Variants in DNAJC13 observed in about 807,000 individuals in gnomAD.
The protein encoded by DNAJC13 is DnaJ heat shock protein family (Hsp40) member C13.
A neutral mutation model predicts 290.5 loss-of-function variants in DNAJC13; 75 were observed. The observed-to-expected ratio is 0.26, with a 90% CI of 0.21 to 0.31. The LOEUF (loss-of-function observed/expected upper bound fraction) is 0.31, where lower values mean the gene tolerates loss of function less well. Among genes scored for constraint, DNAJC13 ranks in the 10% least tolerant of loss-of-function variants. The pLI, the probability that DNAJC13 is intolerant of heterozygous loss-of-function variation, is 1.00. For synonymous variants in DNAJC13, 862 were observed against 892.0 expected (o/e 0.97, Z 0.60); for missense variants, 2,260 against 2,674.5 (o/e 0.85, Z 3.42).
At chr3:132,462,857 G>A (rs1049621867) in intron 16 of DNAJC13, among the ~76,000 whole-genome samples, 3 of 152,138 alleles carry the variant, frequency 2.0e-5, no homozygotes, top group Non-Finnish European at 4.4e-5. Flanking sequence ...TACTGAGCTT[G>A]TATAGAAATC....
intron 3 of DNAJC13, among the ~76,000 whole-genome samples, chr3:132,447,038 A>C (rs1202962835): frequency 2.0e-5 from 3 of 152,124 alleles, no homozygotes; most frequent in Non-Finnish European, 4.4e-5. Context: ...CTTTTTAACA[A>C]ATTTTTAAGT....
chr3:132,489,482 G>A (rs1406526617), intron 31 of DNAJC13, among the ~76,000 whole-genome samples: 3 of 146,926 alleles, frequency 2.0e-5, no homozygotes, highest in Admixed American at 6.9e-5. Context: ...GGGTTAAGCT[G>A]GGAATTAAAA....
At chr3:132,433,926 G>T (rs1053258176) in intron 1 of DNAJC13, among the ~76,000 whole-genome samples, 1 of 152,060 alleles carries the variant, frequency 6.6e-6, no homozygotes, top group African/African-American at 2.4e-5. Flanking sequence ...AAAACCTTAT[G>T]GTCTTGACCG....
chr3:132,467,344 G>A (rs926797724), intron 20 of DNAJC13, 31 bp downstream of exon 20: 2 of 1,609,788 alleles, frequency 1.2e-6, no homozygotes, highest in African/African-American at 2.7e-5. Context: ...CAAATTCCTG[G>A]CACTTCTGTG....
chr3:132,496,419 C>A, intron 35 of DNAJC13, 109 bp from the exon 36 acceptor site: 1 of 1,068,352 alleles, frequency 9.4e-7, no homozygotes. Context: ...TTAATATAAA[C>A]AATAAAATAA....
intron 21 of DNAJC13, 103 bp from the exon 22 acceptor site, chr3:132,474,822 CCCCCTTT>C: frequency 6.5e-6 from 1 of 154,082 alleles, no homozygotes; most frequent in Non-Finnish European, 1.4e-5. Context: ...ATTCCCCCCC[CCCCCTTT>C]TTTTTTTTTT....
intron 39 of DNAJC13, among the ~76,000 whole-genome samples, chr3:132,501,715 G>T (rs1398702276): frequency 6.6e-6 from 1 of 152,180 alleles, no homozygotes; most frequent in East Asian, 1.9e-4. Context: ...ACTGTGGGTA[G>T]ATGAGATAGA....
chr3:132,421,600 T>G (rs1430054986), intron 1 of DNAJC13, among the ~76,000 whole-genome samples: 5 of 143,114 alleles, frequency 3.5e-5, no homozygotes, highest in African/African-American at 1.4e-4. Context: ...CTGGGCTGAT[T>G]TTTTTTTTTT....
chr3:132,465,747 C>G (rs565971471), intron 17 of DNAJC13, among the ~76,000 whole-genome samples: 1 of 150,878 alleles, frequency 6.6e-6, no homozygotes, highest in Non-Finnish European at 1.5e-5. Flanking sequence ...TTTTCCTGTT[C>G]GGGTTTATTG....
At position 132,453,453 on chromosome 3, in the gene DNAJC13, C is replaced by T; in HGVS notation, c.693C>T (p.Ser231=). 6.2e-7 allele frequency: 1 copy of T among 1,613,922 alleles called. No individual in the cohort carries two copies. The highest frequency in any genetic ancestry group is 8.5e-7 in the Non-Finnish European group (1 of 1,179,916). Residue 231 remains serine, a synonymous_variant, in exon 7 of 56, where the codon TCC becomes TCT. Transcript: ENST00000260818. ...TTGGAAAATACAGCACTGATGAATC[C>T]ATCACATCTTTAGCAGAGTTTGTAG... ...LRFGKYSTDE[S]ITSLAEFVVQ... is the part of the protein sequence containing the mutation.
At chr3:132,485,723 A>G (rs1241152894) in intron 29 of DNAJC13, among the ~76,000 whole-genome samples, 2 of 152,156 alleles carry the variant, frequency 1.3e-5, no homozygotes, top group Admixed American at 1.3e-4. Context: ...GATTTTGACT[A>G]TTCTTAGTTA....
At chr3:132,477,137 T>C (rs1052731749) in intron 22 of DNAJC13, among the ~76,000 whole-genome samples, 6 of 152,250 alleles carry the variant, frequency 3.9e-5, no homozygotes, top group African/African-American at 1.4e-4. Flanking sequence ...GAAATGAAGA[T>C]ATATATTTGG....
At chr3:132,461,559 C>G (rs906550801) in intron 15 of DNAJC13, among the ~76,000 whole-genome samples, 14 of 152,312 alleles carry the variant, frequency 9.2e-5, no homozygotes, top group African/African-American at 2.6e-4. Flanking sequence ...ATAAATGCAC[C>G]TAGTACATTA....
At position 132,526,120 on chromosome 3, in the gene DNAJC13, CCTT is replaced by C; in HGVS notation, c.6241-18_6241-16del. On this transcript the variant is annotated intron_variant, in intron 52 of 55. Transcript: ENST00000260818. ...ATAAATATTGCCAGTCTACAAGTAA[CCTT>C]CTCTTTTGGGCACTTAGCTGTGTGT... The C allele has an allele frequency of 1.9e-6, 3 of 1,613,158 alleles. No homozygotes were observed. Among genetic ancestry groups the C allele is most frequent in the Non-Finnish European group, 2.5e-6 (3 of 1,179,538 alleles).
intron 1 of DNAJC13, among the ~76,000 whole-genome samples, chr3:132,433,101 TTAAA>T (rs1464945588): frequency 1.3e-5 from 2 of 152,230 alleles, no homozygotes; most frequent in East Asian, 1.9e-4. Context: ...GCAATCTTGT[TTAAA>T]TAAGGATTTT....
chr3:132,484,757 A>C lies in DNAJC13; in HGVS notation c.3267+85A>C. Reference sequence around the variant, plus strand: ...TCAGTACCAGTCTTTGTTTTGTTGCAGTCTATTCCATTTTCAAAAAGCCTA... The same window carrying C: ...TCAGTACCAGTCTTTGTTTTGTTGCCGTCTATTCCATTTTCAAAAAGCCTA... On this transcript the variant is annotated intron_variant, in intron 29 of 55. Coordinates refer to ENST00000260818, the MANE Select transcript of DNAJC13 (RefSeq NM_015268.4). The C allele has an allele frequency of 2.3e-6, 3 of 1,287,724 alleles. 1 individual carries two copies. The South Asian group carries it at 3.6e-5, about 15-fold the overall frequency. The allele number at this position is 1,287,724 out of a possible 1,614,324, so 79.8% of individuals were successfully genotyped here. A position where few individuals can be genotyped will look rare whatever the true frequency, so the allele number is the denominator to read the frequency against.
Position 132,523,604 on chromosome 3 carries a change from T to C in DNAJC13, c.5951T>C (p.Phe1984Ser). 6.2e-7 allele frequency: 1 copy of C among 1,614,132 alleles called. No homozygotes were observed. The highest frequency in any genetic ancestry group is 8.5e-7 in the Non-Finnish European group (1 of 1,179,988). Reference sequence around the variant, plus strand: ...GGTGAACTTGCTGTTGGAGGAGTCTTCTTGAGGATCTTTATTGCACAACCA... The same window carrying C: ...GGTGAACTTGCTGTTGGAGGAGTCTCCTTGAGGATCTTTATTGCACAACCA... ...AEGELAVGGV[F>S]LRIFIAQPAW... is the part of the protein sequence containing the mutation. The change falls in exon 51 of 56, where the codon TTC becomes TCC. Residue 1984 changes from phenylalanine to serine, a missense_variant. Phe to Ser is a radical substitution (Grantham distance 155). This residue lies in a region of DNAJC13 where 1,494 missense variants were observed against 1,693.7 expected (regional missense o/e 0.88). Transcript: ENST00000260818.
At chr3:132,462,203 A>G (rs972931112) in intron 15 of DNAJC13, among the ~76,000 whole-genome samples, 10 of 152,152 alleles carry the variant, frequency 6.6e-5, no homozygotes, top group African/African-American at 2.2e-4. Flanking sequence ...ATTGATATGT[A>G]TCATTCAAAT....
At chr3:132,437,718 T>C (rs1022416879) in intron 2 of DNAJC13, among the ~76,000 whole-genome samples, 1 of 152,186 alleles carries the variant, frequency 6.6e-6, no homozygotes, top group African/African-American at 2.4e-5. Context: ...TATTATAGCT[T>C]TGTGCTGTTT....
Sources: gnomAD v4.1 joint callset for allele counts (sites outside exome capture counted in the v4.1 genomes callset) on GRCh38, gnomAD v4.1.1 for gene constraint, gnomAD v4.1.1 regional missense constraint, MANE v1.5 for transcripts, NCBI Gene and HGNC (gene_info 2026-07-23, HGNC 2026-07-21) for gene names.